The following LIMCH1 variants were observed in gnomAD, a reference collection of about 807,000 sequenced individuals.
LIMCH1 encodes LIM and calponin homology domains-containing protein 1.
A neutral mutation model predicts 176.5 loss-of-function variants in LIMCH1; 113 were observed. The observed-to-expected ratio is 0.64, with a 90% CI of 0.55 to 0.75. The LOEUF (loss-of-function observed/expected upper bound fraction) is 0.75, where lower values mean the gene tolerates loss of function less well. LIMCH1 is among the 30% of genes least tolerant of loss of function. The pLI is 0.00. For synonymous variants in LIMCH1, 619 were observed against 645.9 expected, an observed-to-expected ratio of 0.96 and a Z score of 0.63; for missense variants, 1,674 against 1,814.9, an observed-to-expected ratio of 0.92 and a Z score of 1.41.
intron 5 of LIMCH1, among the ~76,000 whole-genome samples, chr4:41,614,778 G>T (rs1433353052): frequency 6.6e-6 from 1 of 152,146 alleles, no homozygotes; most frequent in African/African-American, 2.4e-5. Context: ...GAGCCTTTGA[G>T]AAGTTAAGTA....
chr4:41,552,623 A>T (rs965121582), intron 1 of LIMCH1, among the ~76,000 whole-genome samples: 1 of 152,198 alleles, frequency 6.6e-6, no homozygotes. Flanking sequence ...AAATTTTGTG[A>T]CACAAAGTAT....
chr4:41,404,316 A>G (rs1057106657), intron 1 of LIMCH1, among the ~76,000 whole-genome samples: 1 of 151,810 alleles, frequency 6.6e-6, no homozygotes, highest in African/African-American at 2.4e-5. Context: ...GGGGAGGGGA[A>G]GAGCCATCAG....
At chr4:41,654,008 A>G (rs1000857243) in intron 18 of LIMCH1, among the ~76,000 whole-genome samples, 1 of 152,218 alleles carries the variant, frequency 6.6e-6, no homozygotes, top group Non-Finnish European at 1.5e-5. Flanking sequence ...GTAAATATGA[A>G]TTAAGGACCT....
chr4:41,696,629 A>T (rs1730871493), intron 31 of LIMCH1, among the ~76,000 whole-genome samples: 2 of 152,176 alleles, frequency 1.3e-5, no homozygotes, highest in South Asian at 2.1e-4. Context: ...TCATATGGAT[A>T]TGCTTATACT....
Position 41,633,071 on chromosome 4 carries a change from C to T in LIMCH1, c.1815C>T (p.Asp605=). ...TGTCAAAGGCAGAAAGATCAGAGGA[C>T]AGCAGCCAGCCACTGTGAGCATCTT... ...ERLSKAERSE[D]SSQPLVCPLA... is the part of the protein sequence containing the mutation. Residue 605 remains aspartate (D), a synonymous_variant, in exon 12 of 32, where the codon GAC becomes GAT. Coordinates refer to ENST00000503057, the MANE Select transcript of LIMCH1 (RefSeq NM_001330672.2). 1.3e-6 allele frequency: 2 copies of T among 1,534,738 alleles called. No homozygotes were observed. Among genetic ancestry groups the T allele is most frequent in the Non-Finnish European group, 1.7e-6 (2 of 1,146,204 alleles).
chr4:41,568,610 T>A (rs1357898791), intron 1 of LIMCH1, among the ~76,000 whole-genome samples: 1 of 152,228 alleles, frequency 6.6e-6, no homozygotes, highest in Non-Finnish European at 1.5e-5. Flanking sequence ...AAAAATATGA[T>A]GCTGCTAAAA....
At position 41,666,596 on chromosome 4, in the gene LIMCH1, G is replaced by T. The variant is rs759422245; in HGVS notation, c.3327G>T (p.Thr1109=). 1 of 1,613,902 alleles carries T rather than the reference G, an allele frequency of 6.2e-7. No individual in the cohort carries two copies. The highest frequency in any genetic ancestry group is 1.1e-5 in the South Asian group (1 of 91,078). Residue 1109 remains threonine (T), a synonymous_variant, in exon 21 of 32, where the codon ACG becomes ACT. Transcript: ENST00000503057. The part of the protein sequence containing the change: ...VKPKSPEPEA[T]LTFPFLDKMP... ...CAAAATCTCCAGAACCCGAAGCAACGCTGACATTTCCATTTCTGGACAAAA... is the reference window on the plus strand; with the variant it reads ...CAAAATCTCCAGAACCCGAAGCAACTCTGACATTTCCATTTCTGGACAAAA...
At chr4:41,684,371 TGAA>T in intron 26 of LIMCH1, 23 bp from the exon 27 acceptor site, 1 of 1,609,268 alleles carries the variant, frequency 6.2e-7, no homozygotes, top group South Asian at 1.1e-5. Context: ...CTCTCTGCTC[TGAA>T]GTATACCTCT....
intron 1 of LIMCH1, among the ~76,000 whole-genome samples, chr4:41,376,765 G>T (rs1266632122): frequency 6.6e-6 from 1 of 152,090 alleles, no homozygotes; most frequent in Non-Finnish European, 1.5e-5. Context: ...GTTCTTCTAA[G>T]AAATTTCTTA....
chr4:41,499,835 C>CT (rs2072926776), intron 2 of LIMCH1, among the ~76,000 whole-genome samples: 2 of 152,102 alleles, frequency 1.3e-5, no homozygotes, highest in African/African-American at 4.8e-5. Flanking sequence ...AAAAAAAAAT[C>CT]TAAGATCTAA....
At chr4:41,515,855 C>G (rs1170462860) in intron 2 of LIMCH1, among the ~76,000 whole-genome samples, 3 of 152,210 alleles carry the variant, frequency 2.0e-5, no homozygotes, top group African/African-American at 7.2e-5. Context: ...CACCCCAAGA[C>G]TGGATACAGA....
chr4:41,468,971 T>C (rs1042364879), intron 1 of LIMCH1, among the ~76,000 whole-genome samples: 22 of 152,172 alleles, frequency 1.4e-4, no homozygotes, highest in Admixed American at 5.2e-4. Flanking sequence ...TTCAAACCCT[T>C]CTTCCCAAAA....
At chr4:41,479,444 G>A (rs1315994741) in intron 1 of LIMCH1, among the ~76,000 whole-genome samples, 1 of 152,042 alleles carries the variant, frequency 6.6e-6, no homozygotes, top group Non-Finnish European at 1.5e-5. Context: ...TATAGAGGTG[G>A]GGTCTCACTG....
rs997054750 is a variant in LIMCH1 at position 41,475,612 on chromosome 4, T to C, written c.97-18924T>C. 3.3e-5 allele frequency among the ~76,000 whole-genome samples: 5 copies of C among 152,132 alleles called. No individual in the cohort carries two copies. The East Asian group carries it at 9.6e-4, about 29-fold the overall frequency. ...AAACATTTTAGAACACCCTTAGTCC[T>C]AGGTCATTTCTCAGGATGACTTGAT... is the stretch of plus-strand genomic sequence containing the variant. On this transcript the variant is annotated intron_variant, in intron 1 of 26. Transcript: ENST00000313860.
chr4:41,406,021 C>G (rs919075952), intron 1 of LIMCH1, among the ~76,000 whole-genome samples: 2 of 151,998 alleles, frequency 1.3e-5, no homozygotes, highest in African/African-American at 4.8e-5. Context: ...TTCACTTTGC[C>G]TATATAAGAT....
At chr4:41,402,870 A>C (rs1173477721) in intron 1 of LIMCH1, among the ~76,000 whole-genome samples, 1 of 151,726 alleles carries the variant, frequency 6.6e-6, no homozygotes, top group Non-Finnish European at 1.5e-5. Flanking sequence ...AGATATAGCT[A>C]ATGCTAAATG....
intron 1 of LIMCH1, among the ~76,000 whole-genome samples, chr4:41,488,445 A>G (rs1222963782): frequency 1.3e-5 from 2 of 152,232 alleles, no homozygotes; most frequent in African/African-American, 4.8e-5. Context: ...CTCGATATTC[A>G]TAAACTGTTA....
At chr4:41,568,986 A>C (rs7658959) in intron 1 of LIMCH1, among the ~76,000 whole-genome samples, 41,199 of 151,756 alleles carry the variant, frequency 0.27, 6,191 homozygotes, top group South Asian at 0.41. Context: ...GTAATCAAGA[A>C]ATGTCTCATA....
chr4:41,510,177 C>A (rs949616324), intron 2 of LIMCH1, among the ~76,000 whole-genome samples: 1 of 152,304 alleles, frequency 6.6e-6, no homozygotes, highest in Middle Eastern at 3.4e-3. Flanking sequence ...TATTAATCTG[C>A]TCCTTAATAA....
Sources: allele counts gnomAD v4.1 joint callset (sites outside exome capture counted in the v4.1 genomes callset), GRCh38; gene constraint gnomAD v4.1.1; transcripts MANE v1.5; gene names NCBI Gene and HGNC (gene_info 2026-07-23, HGNC 2026-07-21).